The following STK32C variants were observed in gnomAD, a reference collection of about 807,000 sequenced individuals.
STK32C encodes serine/threonine-protein kinase 32C.
STK32C carries 31 observed loss-of-function variants against 56.5 expected under a neutral mutation model. The observed-to-expected ratio is 0.55, with a 90% confidence interval of 0.41 to 0.74. The LOEUF is 0.74. Among genes scored for constraint, STK32C ranks in the 30% least tolerant of loss-of-function variants. STK32C has a pLI of 0.00. For synonymous variants in STK32C, 309 were observed against 289.4 expected, an observed-to-expected ratio of 1.07 and a Z score of -0.69; for missense variants, 544 against 676.9, an observed-to-expected ratio of 0.80 and a Z score of 2.18.
At chr10:132,305,747 T>G (rs2066039159) in intron 1 of STK32C, among the ~76,000 whole-genome samples, 1 of 152,242 alleles carries the variant, frequency 6.6e-6, no homozygotes, top group African/African-American at 2.4e-5. Flanking sequence ...AAGTTGTCTG[T>G]GCCCTGCCAG....
chr10:132,223,833 G>A (rs7913165), intron 8 of STK32C, among the ~76,000 whole-genome samples: 8,350 of 152,260 alleles, frequency 0.055, 462 homozygotes, highest in East Asian at 0.19. Context: ...TGCGAGGCTC[G>A]GAACAGGGAG....
intron 1 of STK32C, among the ~76,000 whole-genome samples, chr10:132,270,765 G>A (rs1214505153): frequency 6.6e-6 from 1 of 152,152 alleles, no homozygotes; most frequent in African/African-American, 2.4e-5. Context: ...AGCGAGCCCT[G>A]CACATCACCC....
At chr10:132,260,049 G>A (rs1049652855) in intron 1 of STK32C, among the ~76,000 whole-genome samples, 10 of 150,592 alleles carry the variant, frequency 6.6e-5, no homozygotes, top group Admixed American at 6.0e-4. Flanking sequence ...ACAAATGCAC[G>A]CTGTGTAAAG....
At chr10:132,292,657 G>A (rs964493525) in intron 1 of STK32C, among the ~76,000 whole-genome samples, 11 of 152,214 alleles carry the variant, frequency 7.2e-5, no homozygotes, top group Admixed American at 2.6e-4. Flanking sequence ...ACAGATTCCC[G>A]GTGCCAGCCC....
intron 2 of STK32C, among the ~76,000 whole-genome samples, chr10:132,228,801 C>T (rs748128950): frequency 7.9e-5 from 12 of 152,334 alleles, no homozygotes; most frequent in Non-Finnish European, 1.8e-4. Context: ...CTCCAGAGAC[C>T]GACTCCCGTC....
Position 132,307,584 on chromosome 10 carries a change from C to T in STK32C, c.250G>A (p.Asp84Asn). Residue 84 changes from aspartate (D) to asparagine (N), a missense_variant, in exon 1 of 12, where the codon GAC becomes AAC. Physicochemically the swap from Asp to Asn is conservative, Grantham distance 23. Transcript: ENST00000298630. This position sits in a 1 kb window ranked among gnomAD's most constrained non-coding sequence, Gnocchi z 4.4. ...TGCCCGCACTCACCGTCCTCCTTGT[C>T]GTCAAACACCGGCCTCCGCGCGGTG... ...AATARRPVFD[D>N]KEDVNFDHFQ... The T allele has an allele frequency of 6.5e-7, 1 of 1,550,232 alleles. No individual in the cohort carries two copies. Among genetic ancestry groups the T allele is most frequent in the African/African-American group, 1.4e-5 (1 of 70,016 alleles).
At chr10:132,248,694 C>T (rs2063776874) in intron 1 of STK32C, among the ~76,000 whole-genome samples, 1 of 152,218 alleles carries the variant, frequency 6.6e-6, no homozygotes, top group Admixed American at 6.5e-5. Context: ...CTGTGCCAGG[C>T]CCCTGACCCT....
intron 1 of STK32C, among the ~76,000 whole-genome samples, chr10:132,327,723 C>T (rs550258968): frequency 2.9e-4 from 44 of 152,194 alleles, no homozygotes; most frequent in African/African-American, 7.9e-4. Flanking sequence ...GTGATCCGCC[C>T]GCCTCAGCCT....
chr10:132,216,873 G>A (rs1381670712), intron 10 of STK32C, among the ~76,000 whole-genome samples: 1 of 152,256 alleles, frequency 6.6e-6, no homozygotes, highest in East Asian at 1.9e-4. Context: ...CATTTCAGAG[G>A]ATGTATGGAA....
At chr10:132,290,005 A>G (rs2065517193) in intron 1 of STK32C, among the ~76,000 whole-genome samples, 2 of 152,224 alleles carry the variant, frequency 1.3e-5, no homozygotes, top group South Asian at 4.1e-4. Flanking sequence ...TGCCAACCTC[A>G]GATGCATAAT....
chr10:132,246,672 C>T (rs116100944), intron 1 of STK32C, among the ~76,000 whole-genome samples: 6,549 of 152,270 alleles, frequency 0.043, 237 homozygotes, highest in African/African-American at 0.099. Flanking sequence ...GAGACCTGTC[C>T]GTGTGCCCTA....
chr10:132,230,718 C>T lies in STK32C; in HGVS notation c.319-2590G>A, dbSNP rs181679779. On this transcript the variant is annotated intron_variant, in intron 2 of 11. Coordinates refer to ENST00000298630, the MANE Select transcript of STK32C (RefSeq NM_173575.4). ...CTGCAGAGCCCACCTCTGCCTGGAG[C>T]GGCGCCAGCACCCGCAGCCCAAGGC... 4.7e-3 allele frequency among the ~76,000 whole-genome samples: 644 copies of T among 136,162 alleles called. 7 individuals carry two copies. Among genetic ancestry groups the T allele is most frequent in the African/African-American group, 0.017 (618 of 35,368 alleles). 89.3% of individuals were successfully genotyped at this position (136,162 alleles called of 152,430 possible).
chr10:132,325,216 C>T (rs762258980), intron 1 of STK32C, among the ~76,000 whole-genome samples: 1 of 152,058 alleles, frequency 6.6e-6, no homozygotes, highest in Non-Finnish European at 1.5e-5. Flanking sequence ...ATGTTGTTCT[C>T]ATGATAGTGA....
downstream of STK32C, among the ~76,000 whole-genome samples, chr10:132,323,760 T>C (rs1564804712): frequency 6.6e-6 from 1 of 152,166 alleles, no homozygotes; most frequent in Non-Finnish European, 1.5e-5. This position sits in a 1 kb window ranked among gnomAD's most constrained non-coding sequence, Gnocchi z 4.8. Flanking sequence ...AAAGAATACC[T>C]GAGGCTGGGT....
At position 132,255,010 on chromosome 10, in the gene STK32C, G is replaced by A. The variant is rs117068688; in HGVS notation, c.263-9055C>T. On this transcript the variant is annotated intron_variant, in intron 1 of 11. Transcript: ENST00000298630. This position sits in a 1 kb window ranked among gnomAD's most constrained non-coding sequence, Gnocchi z 4.6. Reference sequence around the variant, plus strand: ...CCACTCATCCGGAAGAGGCCCCCACGTCCAAGTGTCCTCAGGCAGAACCAG... The same window carrying A: ...CCACTCATCCGGAAGAGGCCCCCACATCCAAGTGTCCTCAGGCAGAACCAG... Among the ~76,000 whole-genome samples, 306 of 150,068 alleles carry A rather than the reference G, an allele frequency of 2.0e-3. No homozygotes were observed. Among genetic ancestry groups the A allele is most frequent in the Non-Finnish European group, 3.7e-3 (253 of 67,552 alleles).
At chr10:132,317,013 A>AC (rs2066323295) in intron 1 of STK32C, among the ~76,000 whole-genome samples, 1 of 152,058 alleles carries the variant, frequency 6.6e-6, no homozygotes, top group African/African-American at 2.4e-5. Flanking sequence ...AAAAAAAAAA[A>AC]AAAAAGATAC....
At chr10:132,240,377 C>A (rs760273175) in intron 2 of STK32C, among the ~76,000 whole-genome samples, 2 of 152,196 alleles carry the variant, frequency 1.3e-5, no homozygotes, top group African/African-American at 4.8e-5. Context: ...CAGCCGCTGG[C>A]GGGTTGCCAT....
intron 1 of STK32C, among the ~76,000 whole-genome samples, chr10:132,289,961 A>G (rs745562569): frequency 6.6e-6 from 1 of 152,130 alleles, no homozygotes; most frequent in Admixed American, 6.5e-5. Flanking sequence ...TAATATCAAA[A>G]CTTATCACAT....
At chr10:132,280,958 A>G (rs2065179953) in intron 1 of STK32C, among the ~76,000 whole-genome samples, 1 of 132,866 alleles carries the variant, frequency 7.5e-6, no homozygotes. Context: ...CTCCCTGACT[A>G]CGCTGAGGCC....
Sources: allele counts gnomAD v4.1 joint callset (sites outside exome capture counted in the v4.1 genomes callset), GRCh38; gene constraint gnomAD v4.1.1; non-coding constraint Gnocchi (gnomAD v3.1); transcripts MANE v1.5; gene names NCBI Gene and HGNC (gene_info 2026-07-23, HGNC 2026-07-21).